FAM118B: variants seen among roughly 807,000 people sequenced by gnomAD.
FAM118B encodes the protein protein FAM118B.
Under a neutral mutation model 38.5 loss-of-function variants are expected in FAM118B, and 24 were observed. The ratio of observed to expected loss-of-function variants is 0.62; its 90% CI spans 0.45 to 0.88. The LOEUF is 0.88. FAM118B is among the 40% of genes least tolerant of loss of function. FAM118B has a pLI of 0.00. For synonymous variants in FAM118B, 138 were observed against 156.3 expected (o/e 0.88, Z 0.87); for missense variants, 334 against 420.0 (o/e 0.80, Z 1.79).
At position 126,259,176 on chromosome 11, in the gene FAM118B, A is replaced by G. The variant is rs56088152; in HGVS notation, c.983-2249A>G. On this transcript the variant is annotated intron_variant, in intron 7 of 8. Transcript: ENST00000533050. ...TCAACCTTATCTTTCACCCTTGCAT[A>G]ATGTTTTGAGTCTCTGTAGATATAG... Among the ~76,000 whole-genome samples, 1,176 of 152,262 alleles carry G rather than the reference A, an allele frequency of 7.7e-3. 12 individuals carry two copies. The highest frequency in any genetic ancestry group is 0.025 in the African/African-American group (1,036 of 41,542).
chr11:126,262,638 G>A lies in FAM118B; in HGVS notation c.*505G>A, dbSNP rs923287706. 2.0e-5 allele frequency: 3 copies of A among 153,364 alleles called. No homozygotes were observed. The highest frequency in any genetic ancestry group is 7.2e-5 in the African/African-American group (3 of 41,484). The allele number at this position is 153,364 out of a possible 1,614,324, so 9.5% of individuals were successfully genotyped here. On this transcript the variant is annotated 3_prime_UTR_variant, in exon 9 of 9. Transcript: ENST00000533050. Reference sequence around the variant, plus strand: ...CATAACTAAGCTGTATTAAAAGCTTGTTCATTTACTTGCCAGGACCCTGGC... The same window carrying A: ...CATAACTAAGCTGTATTAAAAGCTTATTCATTTACTTGCCAGGACCCTGGC...
chr11:126,246,632 G>A (rs1279894197), intron 4 of FAM118B, among the ~76,000 whole-genome samples: 1 of 152,064 alleles, frequency 6.6e-6, no homozygotes, highest in African/African-American at 2.4e-5. Flanking sequence ...AATAGAAATG[G>A]GGTCTCCCTG....
At chr11:126,236,917 C>CTTTTT (rs34983028) in intron 3 of FAM118B, among the ~76,000 whole-genome samples, 2 of 68,410 alleles carry the variant, frequency 2.9e-5, no homozygotes, top group African/African-American at 7.6e-5. Context: ...TTCACAGATG[C>CTTTTT]TTTTTTTTTT....
Position 126,252,567 on chromosome 11 carries a change from A to T in FAM118B, c.568-1738A>T, listed in dbSNP as rs1320676472. Reference sequence around the variant, plus strand: ...AGACCAACCTGGGCATCATAGCAAGACCCCATCTCTACAAAAAGTTTAAAA... The same window carrying T: ...AGACCAACCTGGGCATCATAGCAAGTCCCCATCTCTACAAAAAGTTTAAAA... On this transcript the variant is annotated intron_variant, in intron 5 of 8. Coordinates refer to ENST00000533050, the MANE Select transcript of FAM118B (RefSeq NM_024556.4). The surrounding 1 kb of genome is among the most constrained non-coding windows in gnomAD (Gnocchi z 4.7). Among the ~76,000 whole-genome samples, 1 of 151,814 alleles carries T rather than the reference A, an allele frequency of 6.6e-6. No homozygotes were observed. The highest frequency in any genetic ancestry group is 1.5e-5 in the Non-Finnish European group (1 of 67,974).
At chr11:126,211,741 C>G, upstream of FAM118B, 1 of 1,346,946 alleles carries the variant, frequency 7.4e-7, no homozygotes, top group Non-Finnish European at 1.0e-6. Flanking sequence ...GGGGTGGGGC[C>G]TGGGCGAGTC....
chr11:126,229,546 G>A (rs1254973463), intron 2 of FAM118B, among the ~76,000 whole-genome samples: 1 of 152,064 alleles, frequency 6.6e-6, no homozygotes, highest in Non-Finnish European at 1.5e-5. Context: ...AGGTTCAAGC[G>A]ACTCTACTGC....
intron 7 of FAM118B, among the ~76,000 whole-genome samples, chr11:126,257,588 T>G (rs1950598784): frequency 6.7e-6 from 1 of 149,138 alleles, no homozygotes; most frequent in Non-Finnish European, 1.5e-5. Context: ...GTCAGCTATA[T>G]TCATATAGAA....
rs187023309 is a variant in FAM118B at position 126,237,779 on chromosome 11, C to T, written c.86+2692C>T. Among the ~76,000 whole-genome samples the T allele has an allele frequency of 6.5e-4, 94 of 143,848 alleles. No individual in the cohort carries two copies. In the East Asian group the frequency reaches 0.017, roughly 27 times the overall value. The allele number at this position is 143,848 out of a possible 152,430, so 94.4% of individuals were successfully genotyped here. On this transcript the variant is annotated intron_variant, in intron 3 of 8. Transcript: ENST00000533050. ...GGCTGAGGCAGGAGAATCACTTGAACCTGGGAGGCGGAGGTTGCAGTGAGC... is the reference window on the plus strand; with the variant it reads ...GGCTGAGGCAGGAGAATCACTTGAATCTGGGAGGCGGAGGTTGCAGTGAGC...
intron 2 of FAM118B, chr11:126,233,678 T>G (rs1035223087): frequency 2.2e-6 from 1 of 454,188 alleles, no homozygotes. Flanking sequence ...TACCTTATGA[T>G]TATGATATAA....
At chr11:126,228,191 CA>C (rs917606361) in intron 1 of FAM118B, among the ~76,000 whole-genome samples, 2 of 150,862 alleles carry the variant, frequency 1.3e-5, no homozygotes, top group African/African-American at 4.9e-5. Flanking sequence ...ATTTACTAAA[CA>C]TTTTTTTTTT....
rs190681425 is a variant in FAM118B at position 126,241,109 on chromosome 11, T to C, written c.339+65T>C. The C allele has an allele frequency of 9.4e-4, 1,387 of 1,475,294 alleles. 3 individuals carry two copies. In the African/African-American group the frequency reaches 0.01, roughly 11 times the overall value. The allele number at this position is 1,475,294 out of a possible 1,614,324, so 91.4% of individuals were successfully genotyped here. A position where few individuals can be genotyped will look rare whatever the true frequency, so the allele number is the denominator to read the frequency against. Reference sequence around the variant, plus strand: ...TAAAATTTAACTATCACAACTAGCATGATTTGGCTGTCAAAACTAGCATGC... The same window carrying C: ...TAAAATTTAACTATCACAACTAGCACGATTTGGCTGTCAAAACTAGCATGC... On this transcript the variant is annotated intron_variant, in intron 4 of 8. Coordinates refer to ENST00000533050, the MANE Select transcript of FAM118B (RefSeq NM_024556.4).
At position 126,211,837 on chromosome 11, in the gene FAM118B, G is replaced by C; in HGVS notation, c.-77+7G>C. 1 of 589,560 alleles carries C rather than the reference G, an allele frequency of 1.7e-6. No individual in the cohort carries two copies. Among genetic ancestry groups the C allele is most frequent in the Admixed American group, 3.3e-5 (1 of 30,580 alleles). 36.5% of individuals were successfully genotyped at this position (589,560 alleles called of 1,614,324 possible). ...GGCGTTTGGAGGAGACTCGGTGAGTGTGTAGGGAAGCCGGGCTGGGGCTGG... is the reference window on the plus strand; with the variant it reads ...GGCGTTTGGAGGAGACTCGGTGAGTCTGTAGGGAAGCCGGGCTGGGGCTGG... On this transcript the variant is annotated splice_region_variant and intron_variant, in intron 1 of 8. Transcript: ENST00000533050.
Position 126,253,446 on chromosome 11 carries a change from G to C in FAM118B, c.568-859G>C, listed in dbSNP as rs772191467. Among the ~76,000 whole-genome samples the C allele has an allele frequency of 1.2e-4, 18 of 152,136 alleles. No individual in the cohort carries two copies. The highest frequency in any genetic ancestry group is 2.2e-4 in the Non-Finnish European group (15 of 68,022). ...ATGGAATCAGGTGGCTATTGCATTC[G>C]CTGTTGTCTAAATGATTGTTCTTCG... is the stretch of plus-strand genomic sequence containing the variant. On this transcript the variant is annotated intron_variant, in intron 5 of 8. Coordinates refer to ENST00000533050, the MANE Select transcript of FAM118B (RefSeq NM_024556.4). The surrounding 1 kb of genome is among the most constrained non-coding windows in gnomAD (Gnocchi z 5.1).
At chr11:126,226,635 A>T (rs548565634) in intron 1 of FAM118B, among the ~76,000 whole-genome samples, 1 of 152,250 alleles carries the variant, frequency 6.6e-6, no homozygotes, top group African/African-American at 2.4e-5. Flanking sequence ...AGGAAATGCA[A>T]CTACCTCTTT....
intron 7 of FAM118B, chr11:126,261,145 G>T: frequency 3.2e-6 from 1 of 308,682 alleles, no homozygotes; most frequent in East Asian, 7.2e-5. Flanking sequence ...GACACATGTT[G>T]CCTGTATGTG....
intron 1 of FAM118B, among the ~76,000 whole-genome samples, chr11:126,217,251 GGTTT>G (rs1369574111): frequency 2.0e-5 from 3 of 152,084 alleles, no homozygotes; most frequent in Non-Finnish European, 4.4e-5. Context: ...CTAAATAGTT[GGTTT>G]GTTATTCTTT....
In FAM118B at chr11:126,254,372, C is replaced by G. The variant is rs1950546200; in HGVS notation, c.635C>G (p.Pro212Arg). Residue 212 changes from proline (P) to arginine (R), a missense_variant, in exon 6 of 9, where the codon CCT becomes CGT. Physicochemically the swap from Pro to Arg is moderately radical, Grantham distance 103. This residue lies in a region of FAM118B where 240 missense variants were observed against 295.9 expected (regional missense o/e 0.81). Transcript: ENST00000533050. ...CATATTCACGGAGTCTACACCAACC[C>G]TAGTGGCATTGTCCTTCATCCGGCT... is the stretch of plus-strand genomic sequence containing the variant. ...VLHIHGVYTNPSGIVLHPAGY... is the reference protein window; with the variant it reads ...VLHIHGVYTNRSGIVLHPAGY... 6.2e-7 allele frequency: 1 copy of G among 1,614,108 alleles called. No homozygotes were observed. The highest frequency in any genetic ancestry group is 1.1e-5 in the South Asian group (1 of 91,092).
At chr11:126,218,831 G>A (rs904008277) in intron 1 of FAM118B, among the ~76,000 whole-genome samples, 1 of 152,200 alleles carries the variant, frequency 6.6e-6, no homozygotes, top group African/African-American at 2.4e-5. Context: ...GCTGGGACAA[G>A]GATGGAGGCT....
intron 1 of FAM118B, among the ~76,000 whole-genome samples, chr11:126,219,877 T>A (rs1280302155): frequency 6.7e-6 from 1 of 148,838 alleles, no homozygotes; most frequent in Non-Finnish European, 1.5e-5. Flanking sequence ...AAAAAGCAGC[T>A]CGAGCTGCTT....
Sources: gnomAD v4.1 joint callset for allele counts (sites outside exome capture counted in the v4.1 genomes callset) on GRCh38, gnomAD v4.1.1 for gene constraint, gnomAD v4.1.1 regional missense constraint, Gnocchi (gnomAD v3.1) non-coding constraint, MANE v1.5 for transcripts, NCBI Gene and HGNC (gene_info 2026-07-23, HGNC 2026-07-21) for gene names.